Variants in GRM5 observed in about 807,000 individuals in gnomAD.
The protein encoded by GRM5 is metabotropic glutamate receptor 5.
GRM5 carries 19 observed loss-of-function variants against 83.1 expected under a neutral mutation model. That is an observed-to-expected ratio of 0.23 (90% confidence interval 0.16 to 0.34). The LOEUF (loss-of-function observed/expected upper bound fraction) is 0.34, where lower values mean the gene tolerates loss of function less well. Ranked by LOEUF, GRM5 falls within the 10% of genes least tolerant of loss-of-function variation. The probability of loss-of-function intolerance (pLI) is 1.00; values close to 1 mark genes in which losing one functional copy is unlikely to be tolerated. For synonymous variants in GRM5, 675 were observed against 633.6 expected (o/e 1.07, Z -0.98); for missense variants, 1,160 against 1,588.3 (o/e 0.73, Z 4.58).
chr11:88,721,072 A>G (rs1941526982), intron 3 of GRM5, among the ~76,000 whole-genome samples: 1 of 152,000 alleles, frequency 6.6e-6, no homozygotes. Context: ...CCTTCCTGAA[A>G]TTTATTCTCC....
chr11:88,875,082 G>GTTT (rs112725534), intron 2 of GRM5, among the ~76,000 whole-genome samples: 2,165 of 147,928 alleles, frequency 0.015, 41 homozygotes, highest in East Asian at 0.073. Flanking sequence ...TGAATTGACT[G>GTTT]TTTTTTTTTT....
chr11:88,967,029 A>C (rs569733562), intron 2 of GRM5, among the ~76,000 whole-genome samples: 2 of 152,060 alleles, frequency 1.3e-5, no homozygotes, highest in Admixed American at 6.6e-5. Context: ...AATGTCATAC[A>C]CCCTATCGGG....
intron 4 of GRM5, among the ~76,000 whole-genome samples, chr11:88,644,855 G>C (rs992260): frequency 5.9e-5 from 9 of 151,832 alleles, no homozygotes; most frequent in Non-Finnish European, 1.3e-4. Context: ...AAAGCTTGTA[G>C]AGGAGTGGGA....
chr11:88,631,241 G>A (rs1006220252), intron 4 of GRM5, among the ~76,000 whole-genome samples: 22 of 152,060 alleles, frequency 1.4e-4, no homozygotes, highest in African/African-American at 4.8e-4. Context: ...CAGGTATACC[G>A]TACCAAAACA....
rs71469208 is a variant in GRM5, at chr11:88,667,661, A to G, written c.912-14258T>C. On this transcript the variant is annotated intron_variant, in intron 3 of 9. Transcript: ENST00000305447. ...GTAATCCCAGCACTTTGGGAGGCCAATGCAGGCAGATCACAAGGTCAGGAG... is the reference window on the plus strand; with the variant it reads ...GTAATCCCAGCACTTTGGGAGGCCAGTGCAGGCAGATCACAAGGTCAGGAG... Among the ~76,000 whole-genome samples, 216 of 152,276 alleles carry G rather than the reference A, an allele frequency of 1.4e-3. 1 individual carries two copies. The highest frequency in any genetic ancestry group is 6.8e-3 in the Middle Eastern group (2 of 294).
intron 3 of GRM5, among the ~76,000 whole-genome samples, chr11:88,830,903 G>A (rs1437700728): frequency 1.3e-5 from 2 of 152,072 alleles, no homozygotes; most frequent in African/African-American, 2.4e-5. Flanking sequence ...ATGGCAGCAG[G>A]CAAAGAAAGA....
At chr11:88,520,111 GA>G (rs1941640379) in intron 9 of GRM5, among the ~76,000 whole-genome samples, 1 of 151,860 alleles carries the variant, frequency 6.6e-6, no homozygotes, top group Admixed American at 6.6e-5. Context: ...AGCATGGGAA[GA>G]AAAAAAATTA....
intron 8 of GRM5, among the ~76,000 whole-genome samples, chr11:88,537,110 A>G (rs924772936): frequency 3.9e-5 from 6 of 152,152 alleles, no homozygotes; most frequent in African/African-American, 1.2e-4. Flanking sequence ...TTTCATGCTT[A>G]AAAACCCCTT....
At chr11:88,556,052 C>T (rs75943957) in intron 8 of GRM5, among the ~76,000 whole-genome samples, 8,116 of 152,154 alleles carry the variant, frequency 0.053, 240 homozygotes, top group Middle Eastern at 0.092. Context: ...AGCAGTTAAG[C>T]AGAAACTTAT....
At chr11:88,530,191 C>T (rs1419261254) in intron 8 of GRM5, among the ~76,000 whole-genome samples, 3 of 151,910 alleles carry the variant, frequency 2.0e-5, no homozygotes, top group Admixed American at 6.6e-5. Flanking sequence ...GTAAGCATTC[C>T]CTTAAAACAT....
intron 3 of GRM5, among the ~76,000 whole-genome samples, chr11:88,728,610 A>T (rs914620702): frequency 6.6e-6 from 1 of 152,228 alleles, no homozygotes; most frequent in Non-Finnish European, 1.5e-5. Context: ...AGGAACATCA[A>T]CATGAAAATC....
intron 2 of GRM5, among the ~76,000 whole-genome samples, chr11:88,885,791 T>C (rs1433151855): frequency 6.6e-6 from 1 of 152,062 alleles, no homozygotes; most frequent in East Asian, 1.9e-4. Flanking sequence ...CCCCAAATCA[T>C]TTACTAACAA....
intron 4 of GRM5, among the ~76,000 whole-genome samples, chr11:88,648,540 T>C (rs1331572671): frequency 8.0e-6 from 1 of 124,516 alleles, no homozygotes; most frequent in East Asian, 2.5e-4. Context: ...CACTGGGAGA[T>C]ATACCTAATG....
chr11:89,038,179 GA>G (rs1941439792), intron 2 of GRM5, among the ~76,000 whole-genome samples: 1 of 147,430 alleles, frequency 6.8e-6, no homozygotes. Context: ...GTGTGTGTGT[GA>G]AAATCAATGT....
chr11:88,802,225 GA>G (rs1159415799), intron 3 of GRM5, among the ~76,000 whole-genome samples: 1 of 152,054 alleles, frequency 6.6e-6, no homozygotes, highest in African/African-American at 2.4e-5. Flanking sequence ...TTAAGACTCT[GA>G]GATCCAGCTC....
At chr11:88,723,046 G>T (rs1368866740) in intron 3 of GRM5, among the ~76,000 whole-genome samples, 1 of 151,846 alleles carries the variant, frequency 6.6e-6, no homozygotes, top group Non-Finnish European at 1.5e-5. Context: ...CTCCTCCCTT[G>T]AAACCCGTCA....
intron 2 of GRM5, among the ~76,000 whole-genome samples, chr11:89,008,814 C>T (rs1940602357): frequency 6.6e-6 from 1 of 152,014 alleles, no homozygotes; most frequent in African/African-American, 2.4e-5. Flanking sequence ...CAGTAAAAGG[C>T]AATCAAGAAA....
At chr11:88,700,935 G>A (rs1941018764) in intron 3 of GRM5, among the ~76,000 whole-genome samples, 1 of 152,124 alleles carries the variant, frequency 6.6e-6, no homozygotes, top group African/African-American at 2.4e-5. Flanking sequence ...GTCCCTAGGA[G>A]GCAGAATACG....
intron 7 of GRM5, among the ~76,000 whole-genome samples, chr11:88,584,235 C>G (rs1943268886): frequency 6.6e-6 from 1 of 151,356 alleles, no homozygotes; most frequent in African/African-American, 2.4e-5. Flanking sequence ...CACACACACA[C>G]ACATGCTAAA....
Sources: allele counts gnomAD v4.1 joint callset (sites outside exome capture counted in the v4.1 genomes callset), GRCh38; gene constraint gnomAD v4.1.1; transcripts MANE v1.5; gene names NCBI Gene and HGNC (gene_info 2026-07-23, HGNC 2026-07-21).